Variants in NAPB observed in about 807,000 individuals in gnomAD.
NAPB encodes NSF attachment protein beta.
Under a neutral mutation model 44.7 loss-of-function variants are expected in NAPB, and 26 were observed. The ratio of observed to expected loss-of-function variants is 0.58; its 90% CI spans 0.43 to 0.81. The LOEUF (loss-of-function observed/expected upper bound fraction) is 0.81. Ranked by LOEUF, NAPB falls within the 30% of genes least tolerant of loss-of-function variation. The pLI, the probability that NAPB is intolerant of heterozygous loss-of-function variation, is 0.00. For missense variants in NAPB, 315 were observed against 356.4 expected (o/e 0.88, Z 0.94); for synonymous variants, 120 against 116.8 (o/e 1.03, Z -0.18).
chr20:23,413,089 G>C (rs1282079544), intron 1 of NAPB, among the ~76,000 whole-genome samples: 1 of 152,140 alleles, frequency 6.6e-6, no homozygotes, highest in East Asian at 1.9e-4. Context: ...CTTAGGCCAG[G>C]AGTTCGAGAC....
At chr20:23,411,498 A>G (rs1985652308) in intron 1 of NAPB, among the ~76,000 whole-genome samples, 1 of 152,188 alleles carries the variant, frequency 6.6e-6, no homozygotes, top group African/African-American at 2.4e-5. Context: ...AGGGATAACT[A>G]AGAGATGACT....
In NAPB at chr20:23,421,407, C is replaced by CCCGCCGCGG. The variant is rs774088896; in HGVS notation, c.-14_-6dup. The CCCGCCGCGG allele has an allele frequency of 6.5e-7, 1 of 1,542,956 alleles. No homozygotes were observed. Among genetic ancestry groups the CCCGCCGCGG allele is most frequent in the Non-Finnish European group, 8.7e-7 (1 of 1,144,314 alleles). ...CTCCTTCCCCGCGTTGTCCATGTCG[C>CCCGCCGCGG]CCGCCGCGGCCGCCACAGCCCCCTC... On this transcript the variant is annotated 5_prime_UTR_variant, in exon 1 of 11. Transcript: ENST00000377026.
chr20:23,410,535 C>T (rs945971007), intron 1 of NAPB, among the ~76,000 whole-genome samples: 5 of 152,172 alleles, frequency 3.3e-5, no homozygotes, highest in Non-Finnish European at 7.3e-5. Context: ...ACACTGGGGA[C>T]ACTAGCGGGG....
rs1288872572 is a variant in NAPB, at chr20:23,381,246, G to A, written c.633C>T (p.Leu211=). 1.9e-6 allele frequency: 3 copies of A among 1,613,420 alleles called. No homozygotes were observed. In the Admixed American group the frequency reaches 5.0e-5, roughly 27 times the overall value. ...TCAACTCGTCTACTATGAAGTGGCA[G>A]AGGGCAGCTTTGAAGAAGTAATCCT... The part of the protein sequence containing the change: ...SAKDYFFKAA[L]CHFIVDELNA... The change falls in exon 8 of 11, where the codon CTC becomes CTT. Residue 211 remains leucine (L), a synonymous_variant. Coordinates refer to ENST00000377026, the MANE Select transcript of NAPB (RefSeq NM_022080.3).
At chr20:23,379,632 A>C in intron 9 of NAPB, 137 bp from the exon 10 acceptor site, 1 of 712,340 alleles carries the variant, frequency 1.4e-6, no homozygotes, top group South Asian at 2.0e-5. Context: ...GTCAAGAGCC[A>C]AGTTAGGGAT....
At chr20:23,414,321 C>CA (rs1365470756) in intron 1 of NAPB, among the ~76,000 whole-genome samples, 1 of 150,982 alleles carries the variant, frequency 6.6e-6, no homozygotes, top group East Asian at 1.9e-4. Context: ...GACCCTGTCG[C>CA]AAAAAAATAA....
chr20:23,399,602 C>T (rs143892342), intron 2 of NAPB, among the ~76,000 whole-genome samples: 219 of 152,310 alleles, frequency 1.4e-3, no homozygotes, highest in Non-Finnish European at 2.3e-3. Context: ...GAGTACATGC[C>T]AGCCTCAGGG....
chr20:23,383,156 CAAAAAAAAA>C lies in NAPB; in HGVS notation c.562-1848_562-1840del, dbSNP rs34238446. On this transcript the variant is annotated intron_variant, in intron 7 of 10. Transcript: ENST00000377026. The stretch of plus-strand genomic sequence containing the variant: ...TGGGCGACAGAGCAAGACTCGGTCT[CAAAAAAAAA>C]AAAAAAAAAAAAAAGGAAGCTGAAA... 4.8e-3 allele frequency among the ~76,000 whole-genome samples: 368 copies of C among 76,728 alleles called. 3 individuals are homozygous for C. Among genetic ancestry groups the C allele is most frequent in the Non-Finnish European group, 7.4e-3 (297 of 40,272 alleles). The allele number at this position is 76,728 out of a possible 152,430, so 50.3% of individuals were successfully genotyped here. A position where few individuals can be genotyped will look rare whatever the true frequency, so the allele number is the denominator to read the frequency against.
chr20:23,390,379 C>A, intron 5 of NAPB, 115 bp from the exon 6 acceptor site: 2 of 794,830 alleles, frequency 2.5e-6, no homozygotes, highest in South Asian at 3.2e-5. Flanking sequence ...AAACTTTTCA[C>A]AACTCGGCCT....
Position 23,397,148 on chromosome 20 carries a change from C to T in NAPB, c.219G>A (p.Met73Ile). The T allele has an allele frequency of 1.2e-6, 2 of 1,613,310 alleles. No homozygotes were observed. Among genetic ancestry groups the T allele is most frequent in the Non-Finnish European group, 1.7e-6 (2 of 1,179,374 alleles). ...NAFCQAAKLH[M>I]QLQSKHDSAT... ...CAGAGTCATGTTTGCTCTGAAGCTGCATGTGGAGCTTGGCTGCCTGACAAA... is the reference window on the plus strand; with the variant it reads ...CAGAGTCATGTTTGCTCTGAAGCTGTATGTGGAGCTTGGCTGCCTGACAAA... Residue 73 changes from methionine (M) to isoleucine (I), a missense_variant, in exon 3 of 11, where the codon ATG (methionine) becomes ATA (isoleucine). By Grantham distance (10) the Met-to-Ile change is conservative. Around this residue, in one of 3 missense-constraint regions of NAPB, gnomAD observed 179 missense variants for 182.5 expected, o/e 0.98. Coordinates refer to ENST00000377026, the MANE Select transcript of NAPB (RefSeq NM_022080.3).
At chr20:23,420,612 G>T (rs1010837112) in intron 1 of NAPB, among the ~76,000 whole-genome samples, 2 of 152,042 alleles carry the variant, frequency 1.3e-5, no homozygotes, top group East Asian at 3.9e-4. Context: ...TCTCAGGAGC[G>T]ATACGGGCTT....
At chr20:23,394,740 T>A (rs1206570934) in intron 5 of NAPB, among the ~76,000 whole-genome samples, 182 bp downstream of exon 5, 1 of 151,850 alleles carries the variant, frequency 6.6e-6, no homozygotes, top group Non-Finnish European at 1.5e-5. Context: ...ATGTCTTAGA[T>A]GTCCACTCCA....
At chr20:23,401,896 T>C (rs1021555637) in intron 2 of NAPB, among the ~76,000 whole-genome samples, 1 of 130,336 alleles carries the variant, frequency 7.7e-6, no homozygotes, top group Non-Finnish European at 1.7e-5. Flanking sequence ...AATAAATAAA[T>C]AAACAAATTA....
At chr20:23,390,576 C>A (rs1447909688) in intron 5 of NAPB, among the ~76,000 whole-genome samples, 1 of 152,224 alleles carries the variant, frequency 6.6e-6, no homozygotes, top group Non-Finnish European at 1.5e-5. Flanking sequence ...TGTTGGGGGC[C>A]ACTCCCAGGC....
At chr20:23,409,887 C>A (rs763435232) in intron 1 of NAPB, among the ~76,000 whole-genome samples, 6 of 152,188 alleles carry the variant, frequency 3.9e-5, no homozygotes, top group African/African-American at 1.4e-4. Flanking sequence ...GTCAGAGGGG[C>A]GTCTGTCGAC....
At chr20:23,409,364 G>A (rs1985484909) in intron 1 of NAPB, among the ~76,000 whole-genome samples, 1 of 152,196 alleles carries the variant, frequency 6.6e-6, no homozygotes, top group Admixed American at 6.5e-5. Flanking sequence ...CTGAAATAAA[G>A]CTTATGAGAA....
In NAPB at chr20:23,410,436, C is replaced by A. The variant is rs1600596940; in HGVS notation, c.99-7364G>T. ...AAAGAAGATCCTAAGTGAATTAATG[C>A]AGGAACAGAAAACCAAATACCGCAT... On this transcript the variant is annotated intron_variant, in intron 1 of 10. Coordinates refer to ENST00000377026, the MANE Select transcript of NAPB (RefSeq NM_022080.3). Among the ~76,000 whole-genome samples, 3 of 152,282 alleles carry A rather than the reference C, an allele frequency of 2.0e-5. No homozygotes were observed. The Middle Eastern group carries it at 0.01, about 518-fold the overall frequency.
In NAPB at chr20:23,389,231, T is replaced by TAAAAA. The variant is rs71330886; in HGVS notation, c.561+710_561+714dup. 9.7e-3 allele frequency among the ~76,000 whole-genome samples: 1,121 copies of TAAAAA among 115,276 alleles called. 21 individuals are homozygous for TAAAAA. The highest frequency in any genetic ancestry group is 0.074 in the East Asian group (300 of 4,044). 75.6% of individuals were successfully genotyped at this position (115,276 alleles called of 152,430 possible). ...CACACTCATTAGGGTGACTATTATT[T>TAAAAA]AAAAAAAAAAAAAAAAAAAAACCAA... On this transcript the variant is annotated intron_variant, in intron 7 of 10. Transcript: ENST00000377026.
rs1478872188 is a variant in NAPB, at chr20:23,397,106, A to G, written c.261T>C (p.Asp87=). Reference sequence around the variant, plus strand: ...CTGCCTTTTTGTAAGCATTTCCAGCATCCACAAAGCTGGTAGCAGAGTCAT... The same window carrying G: ...CTGCCTTTTTGTAAGCATTTCCAGCGTCCACAAAGCTGGTAGCAGAGTCAT... The part of the protein sequence containing the change: ...SKHDSATSFV[D]AGNAYKKADP... The change falls in exon 3 of 11, where the codon GAT becomes GAC. Residue 87 remains aspartate, a synonymous_variant. Transcript: ENST00000377026. 2 of 1,613,666 alleles carry G rather than the reference A, an allele frequency of 1.2e-6. No individual in the cohort carries two copies. Among genetic ancestry groups the G allele is most frequent in the South Asian group, 2.2e-5 (2 of 91,062 alleles).
Sources: allele counts gnomAD v4.1 joint callset (sites outside exome capture counted in the v4.1 genomes callset), GRCh38; gene constraint gnomAD v4.1.1; regional missense constraint gnomAD v4.1.1; transcripts MANE v1.5; gene names NCBI Gene and HGNC (gene_info 2026-07-23, HGNC 2026-07-21).